GANAB: variants seen among roughly 807,000 people sequenced by gnomAD.
GANAB encodes the protein glucosidase II alpha subunit.
GANAB carries 35 observed loss-of-function variants against 129.9 expected under a neutral mutation model. That is an observed-to-expected ratio of 0.27 (90% CI 0.21 to 0.36). The LOEUF (loss-of-function observed/expected upper bound fraction) is 0.36. Among genes scored for constraint, GANAB ranks in the 10% least tolerant of loss-of-function variants. The pLI is 1.00. For synonymous variants in GANAB, 482 were observed against 451.8 expected (o/e 1.07, Z -0.85); for missense variants, 939 against 1,221.0 (o/e 0.77, Z 3.44).
In GANAB at chr11:62,631,079, C is replaced by T. The variant is rs1271127375; in HGVS notation, c.1101G>A (p.Leu367=). The change falls in exon 10 of 24, where the codon CTG becomes CTA. Residue 367 remains leucine, a synonymous_variant. Transcript: ENST00000356638. ...SETGIIDVFL[L]LGPSISDVFR... is the part of the protein sequence containing the mutation. ...AAACATCAGAGATGGAGGGCCCCAG[C>T]AGCAGGAAGACGTCAATGATGCCAG... 1.9e-6 allele frequency: 3 copies of T among 1,611,060 alleles called. No homozygotes were observed. The South Asian group carries it at 3.3e-5, about 18-fold the overall frequency.
intron 13 of GANAB, 67 bp from the exon 14 acceptor site, chr11:62,630,024 G>C: frequency 6.5e-7 from 1 of 1,531,962 alleles, no homozygotes. Flanking sequence ...CAGTGTCAGA[G>C]AAGAGAGCTC....
intron 1 of GANAB, among the ~76,000 whole-genome samples, chr11:62,643,010 T>C (rs1185846916): frequency 3.9e-5 from 6 of 152,116 alleles, no homozygotes; most frequent in Admixed American, 3.9e-4. Flanking sequence ...CACTAATCAC[T>C]AGCAGGATGA....
intron 1 of GANAB, among the ~76,000 whole-genome samples, chr11:62,643,210 G>C (rs1944340605): frequency 6.6e-6 from 1 of 152,182 alleles, no homozygotes; most frequent in Non-Finnish European, 1.5e-5. Context: ...AAATTTTAAT[G>C]TCTGTTAAGA....
Position 62,626,406 on chromosome 11 carries a change from C to A in GANAB, c.2553G>T (p.Thr851=). 6.2e-7 allele frequency: 1 copy of A among 1,613,504 alleles called. No homozygotes were observed. The highest frequency in any genetic ancestry group is 8.5e-7 in the Non-Finnish European group (1 of 1,179,422). The change falls in exon 22 of 24, where the codon ACG becomes ACT. Residue 851 remains threonine (T), a synonymous_variant. Coordinates refer to ENST00000356638, the MANE Select transcript of GANAB (RefSeq NM_198334.3). ...ACTCTTGGCGAGTCTGATAGTTGAA[C>A]GTGTGCCCATCATCCAGAAAGAGCT... ...QGELFLDDGH[T]FNYQTRQEFL...
At chr11:62,639,552 C>A (rs745947032) in intron 2 of GANAB, 75 bp downstream of exon 2, 225 of 1,428,894 alleles carry the variant, frequency 1.6e-4, no homozygotes, top group Admixed American at 9.4e-4. Context: ...TCCTTAGGCA[C>A]TCCATCTGCC....
chr11:62,629,630 A>T lies in GANAB; in HGVS notation c.1792T>A (p.Phe598Ile). 1 of 1,613,140 alleles carries T rather than the reference A, an allele frequency of 6.2e-7. No homozygotes were observed. The highest frequency in any genetic ancestry group is 8.5e-7 in the Non-Finnish European group (1 of 1,179,586). The change falls in exon 15 of 24, where the codon TTT becomes ATT. Residue 598 changes from phenylalanine (F) to isoleucine (I), a missense_variant. Phe to Ile is a conservative substitution (Grantham distance 21). Coordinates refer to ENST00000356638, the MANE Select transcript of GANAB (RefSeq NM_198334.3). Reference protein sequence around the residue: ...RQRSGGMERPFVLARAFFAGS... With the variant: ...RQRSGGMERPIVLARAFFAGS... ...GCGAAGAAGGCCCTGGCCAGGACAA[A>T]GGGGCGTTCCATGCCCCCAGAGCGC...
In GANAB at chr11:62,632,577, G is replaced by A. The variant is rs369079242; in HGVS notation, c.984C>T (p.Asn328=). The change falls in exon 9 of 24, where the codon AAC becomes AAT. Residue 328 remains asparagine, a synonymous_variant. Transcript: ENST00000356638. ...AAETWVDISS[N]TAGKTLFGKM... Reference sequence around the variant, plus strand: ...CCTGTGCTCTCACCTTCCCGGCAGTGTTGGAAGATATATCAACCCAGGTCT... The same window carrying A: ...CCTGTGCTCTCACCTTCCCGGCAGTATTGGAAGATATATCAACCCAGGTCT... The A allele has an allele frequency of 9.3e-6, 15 of 1,613,524 alleles. No homozygotes were observed. The highest frequency in any genetic ancestry group is 1.3e-5 in the Non-Finnish European group (15 of 1,179,644).
intron 1 of GANAB, among the ~76,000 whole-genome samples, chr11:62,640,436 A>G (rs1590822385): frequency 7.1e-6 from 1 of 141,522 alleles, no homozygotes; most frequent in South Asian, 2.4e-4. Context: ...GGGAGGCTGG[A>G]GCTGGAGAAT....
intron 1 of GANAB, 73 bp downstream of exon 1, chr11:62,646,489 C>T: frequency 1.3e-6 from 2 of 1,529,786 alleles, no homozygotes; most frequent in Non-Finnish European, 1.8e-6. Flanking sequence ...AAGAGACACA[C>T]AGGAAGGAGT....
intron 21 of GANAB, 52 bp downstream of exon 21, chr11:62,626,519 G>C (rs774765762): frequency 1.3e-6 from 2 of 1,504,120 alleles, no homozygotes; most frequent in African/African-American, 2.7e-5. Flanking sequence ...AGAGAACTGA[G>C]TCCTAGGAAG....
intron 1 of GANAB, among the ~76,000 whole-genome samples, chr11:62,645,034 G>A (rs1225290268): frequency 2.0e-5 from 3 of 151,954 alleles, no homozygotes; most frequent in Admixed American, 6.6e-5. Context: ...AGGAATGTAC[G>A]AAACAACTGT....
rs1416320434 is a variant in GANAB at position 62,629,205 on chromosome 11, G to A, written c.1925C>T (p.Ser642Phe). ...MCLSLGLVGLSFCGADVGGFF... is the reference protein window; with the variant it reads ...MCLSLGLVGLFFCGADVGGFF... ...CCTCCCTGTCTTACCCCCACAGAAG[G>A]AAAGTCCCACCAGCCCCAAGCTGAG... The change falls in exon 16 of 24, where the codon TCC becomes TTC. Residue 642 changes from serine (S) to phenylalanine (F), a missense_variant. Physicochemically the swap from Ser to Phe is radical, Grantham distance 155. Transcript: ENST00000356638. 6.2e-7 allele frequency: 1 copy of A among 1,611,252 alleles called. No homozygotes were observed. Among genetic ancestry groups the A allele is most frequent in the Non-Finnish European group, 8.5e-7 (1 of 1,177,688 alleles).
At chr11:62,635,818 T>C (rs188684571) in intron 4 of GANAB, among the ~76,000 whole-genome samples, 49 of 150,962 alleles carry the variant, frequency 3.2e-4, no homozygotes, top group African/African-American at 1.2e-3. Flanking sequence ...TTAGGAGATA[T>C]GATTTTTCGC....
rs749951877 is a variant in GANAB, at chr11:62,628,957, G to A, written c.1992C>T (p.Tyr664=). 10 of 1,613,864 alleles carry A rather than the reference G, an allele frequency of 6.2e-6. No homozygotes were observed. The East Asian group carries it at 2.2e-4, about 36-fold the overall frequency. ...NPEPELLVRW[Y]QMGAYQPFFR... Reference sequence around the variant, plus strand: ...AGAATGGCTGGTAAGCACCCATCTGGTACCAGCGCACAAGCAGCTCTGGCT... The same window carrying A: ...AGAATGGCTGGTAAGCACCCATCTGATACCAGCGCACAAGCAGCTCTGGCT... The change falls in exon 17 of 24, where the codon TAC becomes TAT. Residue 664 remains tyrosine, a synonymous_variant. Coordinates refer to ENST00000356638, the MANE Select transcript of GANAB (RefSeq NM_198334.3).
chr11:62,634,343 C>T lies in GANAB; in HGVS notation c.560+478G>A, dbSNP rs1029268831. 3 of 1,611,948 alleles carry T rather than the reference C, an allele frequency of 1.9e-6. No homozygotes were observed. Among genetic ancestry groups the T allele is most frequent in the African/African-American group, 2.7e-5 (2 of 74,944 alleles). ...AAGGTTCTTGATCTTATCCCATATG[C>T]TACCAAGCGTGAGATTAACCTTATC... On this transcript the variant is annotated intron_variant, in intron 5 of 23. Transcript: ENST00000356638.
intron 15 of GANAB, 51 bp downstream of exon 15, chr11:62,629,537 G>C: frequency 8.1e-7 from 1 of 1,232,944 alleles, no homozygotes; most frequent in Non-Finnish European, 1.2e-6. Context: ...CATGGCTCCT[G>C]AGATCTGGCC....
At chr11:62,629,486 C>A (rs1461656960) in intron 15 of GANAB, 102 bp downstream of exon 15, 2 of 846,756 alleles carry the variant, frequency 2.4e-6, no homozygotes, top group African/African-American at 1.7e-5. Flanking sequence ...GAAACAGATG[C>A]AGTGTGTGGC....
At position 62,645,682 on chromosome 11, in the gene GANAB, G is replaced by A. The variant is rs1037670569; in HGVS notation, c.38+880C>T. Reference sequence around the variant, plus strand: ...ATATGACCTGTTGGAGGGCCCTAAGGAATTCACGGCGGCCTTGACCACCCC... The same window carrying A: ...ATATGACCTGTTGGAGGGCCCTAAGAAATTCACGGCGGCCTTGACCACCCC... On this transcript the variant is annotated intron_variant, in intron 1 of 23. Coordinates refer to ENST00000356638, the MANE Select transcript of GANAB (RefSeq NM_198334.3). Among the ~76,000 whole-genome samples, 10 of 152,280 alleles carry A rather than the reference G, an allele frequency of 6.6e-5. No homozygotes were observed. The South Asian group carries it at 1.0e-3, about 16-fold the overall frequency.
chr11:62,635,989 A>G (rs1056734938), intron 4 of GANAB, among the ~76,000 whole-genome samples: 1 of 151,712 alleles, frequency 6.6e-6, no homozygotes, highest in African/African-American at 2.4e-5. Context: ...AAAGATTATG[A>G]CTTAAAAAAT....
Sources: gnomAD v4.1 joint callset for allele counts (sites outside exome capture counted in the v4.1 genomes callset) on GRCh38, gnomAD v4.1.1 for gene constraint, MANE v1.5 for transcripts, NCBI Gene and HGNC (gene_info 2026-07-23, HGNC 2026-07-21) for gene names.